Variants in RNF121 observed in about 807,000 individuals in gnomAD.
The protein encoded by RNF121 is E3 ubiquitin ligase RNF121.
In RNF121, 21 loss-of-function variants were observed where a neutral mutation model predicts 46.5. The observed-to-expected ratio is 0.45, with a 90% CI of 0.32 to 0.65. The LOEUF (loss-of-function observed/expected upper bound fraction) is 0.65, where lower values mean the gene tolerates loss of function less well. RNF121 is among the 30% of genes least tolerant of loss of function. The probability of loss-of-function intolerance (pLI) is 0.04; values close to 1 mark genes in which losing one functional copy is unlikely to be tolerated. For synonymous variants in RNF121, 139 were observed against 144.7 expected (o/e 0.96, Z 0.28); for missense variants, 346 against 416.0 (o/e 0.83, Z 1.46).
intron 6 of RNF121, among the ~76,000 whole-genome samples, chr11:71,992,234 C>A (rs553840290): frequency 1.1e-4 from 17 of 152,324 alleles, no homozygotes; most frequent in African/African-American, 3.8e-4. Context: ...TTGCTCCTTA[C>A]AATTTTTACT....
rs998655898 is a variant in RNF121, at chr11:71,986,880, T to C, written c.399-124T>C. ...AGCTTTGGATAGTAACTGAAGTTGC[T>C]CAGTAAGTCCTGAGCAAAGACCCTG... On this transcript the variant is annotated intron_variant, in intron 4 of 8. Coordinates refer to ENST00000361756, the MANE Select transcript of RNF121 (RefSeq NM_018320.5). 8 of 638,562 alleles carry C rather than the reference T, an allele frequency of 1.3e-5. No homozygotes were observed. The Admixed American group carries it at 2.0e-4, about 16-fold the overall frequency. The allele number at this position is 638,562 out of a possible 1,614,324, so 39.6% of individuals were successfully genotyped here.
intron 4 of RNF121, among the ~76,000 whole-genome samples, chr11:71,985,751 A>G (rs1954759825): frequency 6.6e-6 from 1 of 152,206 alleles, no homozygotes; most frequent in South Asian, 2.1e-4. Context: ...CATCACAGAT[A>G]GAATAGTGGC....
At chr11:71,955,974 G>T (rs1396923365) in intron 1 of RNF121, among the ~76,000 whole-genome samples, 2 of 152,132 alleles carry the variant, frequency 1.3e-5, no homozygotes, top group Non-Finnish European at 2.9e-5. Context: ...TTTATTTTTT[G>T]ACTTAGCTGG....
intron 1 of RNF121, among the ~76,000 whole-genome samples, chr11:71,946,112 AAAAAG>A (rs748193761): frequency 1.9e-4 from 29 of 152,118 alleles, no homozygotes; most frequent in Admixed American, 9.2e-4. Flanking sequence ...CTCTGCCTTA[AAAAAG>A]AAAAGAAAAG....
At chr11:71,960,727 C>G (rs374963756) in intron 2 of RNF121, 23 bp from the exon 3 acceptor site, 3 of 1,606,626 alleles carry the variant, frequency 1.9e-6, no homozygotes, top group Non-Finnish European at 2.6e-6. Flanking sequence ...TGACTTGATT[C>G]ACCCCATGTG....
At chr11:71,952,195 C>T (rs1287622730) in intron 1 of RNF121, among the ~76,000 whole-genome samples, 3 of 152,090 alleles carry the variant, frequency 2.0e-5, no homozygotes, top group Non-Finnish European at 4.4e-5. Flanking sequence ...AAGAATTATG[C>T]AAAGTGAAAA....
At chr11:71,980,740 TA>T (rs1412632424) in intron 3 of RNF121, among the ~76,000 whole-genome samples, 1 of 152,212 alleles carries the variant, frequency 6.6e-6, no homozygotes, top group Non-Finnish European at 1.5e-5. Context: ...CACTACCTAT[TA>T]TGGTAGCCAT....
intron 3 of RNF121, among the ~76,000 whole-genome samples, chr11:71,982,159 T>C (rs1025557447): frequency 6.6e-6 from 1 of 151,798 alleles, no homozygotes; most frequent in Non-Finnish European, 1.5e-5. Context: ...CTAAGAATGT[T>C]GGATCCTCTC....
At chr11:71,938,877 T>C (rs1470791129) in intron 1 of RNF121, 1 of 152,432 alleles carries the variant, frequency 6.6e-6, no homozygotes, top group Non-Finnish European at 1.5e-5. Flanking sequence ...ATATGTTTGA[T>C]GACCAGATAA....
At position 71,957,297 on chromosome 11, in the gene RNF121, G is replaced by C; in HGVS notation, c.101+33G>C. ...TGGTAGTTCGGGCCCTGCAGTCTAG[G>C]AACTGCAGGTTAACCCAGCTTAATT... On this transcript the variant is annotated intron_variant, in intron 2 of 8. Transcript: ENST00000361756. The C allele has an allele frequency of 2.2e-6, 3 of 1,394,570 alleles. No homozygotes were observed. In the South Asian group the frequency reaches 3.5e-5, roughly 16 times the overall value. 86.4% of individuals were successfully genotyped at this position (1,394,570 alleles called of 1,614,324 possible). A position where few individuals can be genotyped will look rare whatever the true frequency, so the allele number is the denominator to read the frequency against.
At chr11:71,958,207 T>A (rs1481064708) in intron 2 of RNF121, among the ~76,000 whole-genome samples, 1 of 152,208 alleles carries the variant, frequency 6.6e-6, no homozygotes, top group African/African-American at 2.4e-5. Flanking sequence ...TTTAACTGGA[T>A]CATGTGTAGA....
intron 1 of RNF121, among the ~76,000 whole-genome samples, chr11:71,940,113 A>G (rs796247928): frequency 1.5e-4 from 23 of 152,342 alleles, no homozygotes; most frequent in African/African-American, 5.3e-4. Flanking sequence ...AAAGGAATAA[A>G]GACATGAAGT....
chr11:71,944,223 C>T (rs1590774144), intron 1 of RNF121, among the ~76,000 whole-genome samples: 1 of 152,128 alleles, frequency 6.6e-6, no homozygotes. Context: ...ATCCCAGCCA[C>T]TCGGGAGACT....
chr11:71,977,919 C>T (rs1458274430), intron 3 of RNF121, among the ~76,000 whole-genome samples: 1 of 152,176 alleles, frequency 6.6e-6, no homozygotes, highest in Non-Finnish European at 1.5e-5. Flanking sequence ...AATGTGTCTC[C>T]ATAAATGTTG....
intron 3 of RNF121, chr11:71,962,169 T>G (rs1374974622): frequency 5.8e-6 from 1 of 171,328 alleles, no homozygotes; most frequent in South Asian, 1.9e-4. Context: ...GGGGTTTCAC[T>G]GTGTTAGCCA....
At chr11:71,946,245 A>G (rs1271563212) in intron 1 of RNF121, among the ~76,000 whole-genome samples, 1 of 152,224 alleles carries the variant, frequency 6.6e-6, no homozygotes, top group Non-Finnish European at 1.5e-5. Context: ...GGATAAATAA[A>G]ATGTGTCTGC....
intron 1 of RNF121, among the ~76,000 whole-genome samples, chr11:71,953,940 A>G (rs1202350982): frequency 6.6e-6 from 1 of 152,198 alleles, no homozygotes. Context: ...CCCTCTGCCT[A>G]GCATTTATTT....
chr11:71,970,649 G>A (rs1954402700), intron 3 of RNF121, among the ~76,000 whole-genome samples: 1 of 152,042 alleles, frequency 6.6e-6, no homozygotes, highest in African/African-American at 2.4e-5. Flanking sequence ...GTGACAGAGT[G>A]AGACTGTCAT....
At chr11:71,979,537 C>G (rs562061935) in intron 3 of RNF121, among the ~76,000 whole-genome samples, 1 of 152,302 alleles carries the variant, frequency 6.6e-6, no homozygotes, top group South Asian at 2.1e-4. Context: ...AAATTTCAAG[C>G]CCAAAAACTA....
Sources: gnomAD v4.1 joint callset for allele counts (sites outside exome capture counted in the v4.1 genomes callset) on GRCh38, gnomAD v4.1.1 for gene constraint, MANE v1.5 for transcripts, NCBI Gene and HGNC (gene_info 2026-07-23, HGNC 2026-07-21) for gene names.